The following ZNF536 variants were observed in gnomAD, a reference collection of about 807,000 sequenced individuals.
The protein encoded by ZNF536 is zinc finger protein 536.
ZNF536 carries 13 observed loss-of-function variants against 84.5 expected under a neutral mutation model. That is an observed-to-expected ratio of 0.15 (90% CI 0.10 to 0.24). The LOEUF is 0.24. Ranked by LOEUF, ZNF536 falls within the 10% of genes least tolerant of loss-of-function variation. The probability of loss-of-function intolerance (pLI) is 1.00; values close to 1 mark genes in which losing one functional copy is unlikely to be tolerated. For synonymous variants in ZNF536, 811 were observed against 742.5 expected, an observed-to-expected ratio of 1.09 and a Z score of -1.50; for missense variants, 1,536 against 1,747.5, an observed-to-expected ratio of 0.88 and a Z score of 2.16.
intron 4 of ZNF536, among the ~76,000 whole-genome samples, chr19:30,550,010 G>A (rs1408489889): frequency 1.3e-5 from 2 of 152,182 alleles, no homozygotes; most frequent in Non-Finnish European, 2.9e-5. Flanking sequence ...ACAACAGTAT[G>A]GAAATAAAGC....
intron 1 of ZNF536, among the ~76,000 whole-genome samples, chr19:30,388,856 T>A (rs1227234389): frequency 6.6e-6 from 1 of 152,232 alleles, no homozygotes; most frequent in Non-Finnish European, 1.5e-5. Context: ...CTTAAAATCA[T>A]GTGCTGGGCC....
chr19:30,336,466 T>A (rs1043284011), intron 2 of ZNF536, among the ~76,000 whole-genome samples: 2 of 152,204 alleles, frequency 1.3e-5, no homozygotes, highest in African/African-American at 4.8e-5. Flanking sequence ...AGGGATTGCA[T>A]AAACAATTGC....
chr19:30,582,616 A>C (rs1267046258), intron 1 of ZNF536, among the ~76,000 whole-genome samples: 2 of 152,006 alleles, frequency 1.3e-5, no homozygotes, highest in Admixed American at 6.6e-5. Flanking sequence ...TGATAAAGAC[A>C]TACCCAAGAC....
intron 2 of ZNF536, among the ~76,000 whole-genome samples, chr19:30,515,516 C>A (rs59505205): frequency 0.012 from 1,774 of 152,124 alleles, 37 homozygotes; most frequent in African/African-American, 0.041. Flanking sequence ...GGGAAGTGTC[C>A]CGTGCTGTTA....
chr19:30,403,744 G>C (rs185528047), intron 1 of ZNF536, among the ~76,000 whole-genome samples: 1 of 152,202 alleles, frequency 6.6e-6, no homozygotes, highest in Non-Finnish European at 1.5e-5. Context: ...GAGTCTCCAA[G>C]TGCAAGGTCC....
chr19:30,328,991 A>G (rs1397616653), intron 2 of ZNF536, among the ~76,000 whole-genome samples: 1 of 152,252 alleles, frequency 6.6e-6, no homozygotes, highest in Non-Finnish European at 1.5e-5. Flanking sequence ...TTAGCACTGT[A>G]GAGAGGGATA....
intron 1 of ZNF536, among the ~76,000 whole-genome samples, chr19:30,575,628 T>A (rs575089474): frequency 1.8e-3 from 273 of 152,246 alleles, no homozygotes; most frequent in Non-Finnish European, 3.3e-3. Flanking sequence ...CAGCTCACAG[T>A]CTAGAGGGCA....
At chr19:30,394,513 AC>A (rs1350832303) in intron 1 of ZNF536, among the ~76,000 whole-genome samples, 1 of 152,100 alleles carries the variant, frequency 6.6e-6, no homozygotes, top group African/African-American at 2.4e-5. Flanking sequence ...TGCATCTCTT[AC>A]GTCTGCTCGG....
intron 2 of ZNF536, among the ~76,000 whole-genome samples, chr19:30,524,768 TC>T (rs148696696): frequency 0.099 from 15,063 of 152,076 alleles, 1,012 homozygotes; most frequent in Non-Finnish European, 0.15. Flanking sequence ...GCTATAGTGT[TC>T]TTTTTTTCTT....
chr19:30,393,857 T>C (rs1025945220), intron 1 of ZNF536, among the ~76,000 whole-genome samples: 1 of 152,154 alleles, frequency 6.6e-6, no homozygotes, highest in Non-Finnish European at 1.5e-5. Flanking sequence ...AGCCATCATG[T>C]AATGTGAATG....
chr19:30,571,633 T>C (rs2046549063), intron 1 of ZNF536, among the ~76,000 whole-genome samples: 1 of 152,222 alleles, frequency 6.6e-6, no homozygotes, highest in Admixed American at 6.5e-5. Flanking sequence ...TTCTCATTTC[T>C]TCCAGGCCCA....
intron 1 of ZNF536, among the ~76,000 whole-genome samples, chr19:30,577,191 G>C (rs1040129412): frequency 1.3e-5 from 2 of 152,116 alleles, no homozygotes; most frequent in South Asian, 2.1e-4. Flanking sequence ...ATAGAAGAAA[G>C]CTTTAAAAAA....
chr19:30,307,836 C>G (rs771728320), intron 2 of ZNF536, among the ~76,000 whole-genome samples: 1 of 152,134 alleles, frequency 6.6e-6, no homozygotes, highest in Non-Finnish European at 1.5e-5. Context: ...AAGCTTTTAG[C>G]GAGTTGCTCT....
At chr19:30,462,397 A>G (rs910805985) in intron 2 of ZNF536, among the ~76,000 whole-genome samples, 4 of 151,468 alleles carry the variant, frequency 2.6e-5, no homozygotes, top group Non-Finnish European at 5.9e-5. Context: ...TGGGGTGGTG[A>G]TGCTGTATGT....
rs987196611 is a variant in ZNF536, at chr19:30,523,244, T to G, written c.2171-11603T>G. 4.5e-4 allele frequency among the ~76,000 whole-genome samples: 68 copies of G among 152,164 alleles called. 1 individual carries two copies. Among genetic ancestry groups the G allele is most frequent in the Admixed American group, 4.3e-3 (65 of 15,274 alleles). On this transcript the variant is annotated intron_variant, in intron 2 of 4. Coordinates refer to ENST00000355537, the MANE Select transcript of ZNF536 (RefSeq NM_014717.3). Reference sequence around the variant, plus strand: ...GATCTGCCCCCTCCCCATGCCATCTTTACATATGACGCGTTGCTTTGGCAA... The same window carrying G: ...GATCTGCCCCCTCCCCATGCCATCTGTACATATGACGCGTTGCTTTGGCAA...
At chr19:30,515,107 T>C (rs928027751) in intron 2 of ZNF536, among the ~76,000 whole-genome samples, 7 of 151,850 alleles carry the variant, frequency 4.6e-5, no homozygotes, top group African/African-American at 1.7e-4. Context: ...CAGAAAAAAC[T>C]AAAAATTAGT....
intron 1 of ZNF536, among the ~76,000 whole-genome samples, chr19:30,597,559 G>A (rs1203567238): frequency 2.0e-5 from 3 of 152,184 alleles, no homozygotes; most frequent in Non-Finnish European, 4.4e-5. Context: ...ATAATTAAGA[G>A]CACAATCTGA....
intron 1 of ZNF536, among the ~76,000 whole-genome samples, chr19:30,373,948 C>T (rs1033879927): frequency 1.8e-4 from 28 of 152,236 alleles, no homozygotes; most frequent in Non-Finnish European, 3.7e-4. Context: ...CACCCGCCGC[C>T]CGCCTGTTTT....
intron 3 of ZNF536, among the ~76,000 whole-genome samples, chr19:30,538,979 G>T (rs560519470): frequency 6.6e-6 from 1 of 151,820 alleles, no homozygotes; most frequent in East Asian, 1.9e-4. Flanking sequence ...AGGCCGAGGC[G>T]GGAGGATTGT....
Sources: gnomAD v4.1 joint callset for allele counts (sites outside exome capture counted in the v4.1 genomes callset) on GRCh38, gnomAD v4.1.1 for gene constraint, MANE v1.5 for transcripts, NCBI Gene and HGNC (gene_info 2026-07-23, HGNC 2026-07-21) for gene names.